SHISA9: variants seen among roughly 807,000 people sequenced by gnomAD.
SHISA9 encodes the protein shisa family member 9.
SHISA9 carries 13 observed loss-of-function variants against 38.0 expected under a neutral mutation model. That is an observed-to-expected ratio of 0.34 (90% CI 0.22 to 0.54). The LOEUF (loss-of-function observed/expected upper bound fraction) is 0.54, where lower values mean the gene tolerates loss of function less well. SHISA9 is among the 20% of genes least tolerant of loss of function. The pLI, the probability that SHISA9 is intolerant of heterozygous loss-of-function variation, is 0.91. For missense variants in SHISA9, 538 were observed against 575.8 expected, an observed-to-expected ratio of 0.93 and a Z score of 0.67; for synonymous variants, 275 against 242.0, an observed-to-expected ratio of 1.14 and a Z score of -1.27.
At chr16:12,989,604 G>A (rs1306840630) in intron 2 of SHISA9, among the ~76,000 whole-genome samples, 6 of 151,856 alleles carry the variant, frequency 4.0e-5, no homozygotes, top group African/African-American at 1.5e-4. Flanking sequence ...GGCCCAGCCT[G>A]TTTTTTTCTA....
At chr16:13,475,702 A>G in the SHISA9 span, among the ~76,000 whole-genome samples, 1 of 152,180 alleles carries the variant, frequency 6.6e-6, no homozygotes, top group Non-Finnish European at 1.5e-5. Flanking sequence ...TAACATTGCA[A>G]TATATAATGA....
At chr16:13,314,130 T>G in the SHISA9 span, among the ~76,000 whole-genome samples, 1 of 152,246 alleles carries the variant, frequency 6.6e-6, no homozygotes, top group Admixed American at 6.5e-5. Context: ...TTCTTTCTCT[T>G]GCACTTTAGG....
intron 2 of SHISA9, among the ~76,000 whole-genome samples, chr16:13,183,649 GT>G (rs573096031): frequency 2.0e-5 from 3 of 152,152 alleles, no homozygotes; most frequent in Non-Finnish European, 2.9e-5. Context: ...CCACAACTAT[GT>G]TTTCCTTTTG....
chr16:13,506,369 G>A, the SHISA9 span, among the ~76,000 whole-genome samples: 4 of 152,046 alleles, frequency 2.6e-5, no homozygotes, highest in Non-Finnish European at 5.9e-5. Flanking sequence ...TGGGAGGTGA[G>A]GACAACAACA....
intron 2 of SHISA9, among the ~76,000 whole-genome samples, chr16:13,148,822 C>CA (rs199698547): frequency 0.073 from 10,322 of 140,950 alleles, 450 homozygotes; most frequent in East Asian, 0.22. Context: ...CTAGAATCAC[C>CA]AAAAAAAAAA....
the SHISA9 span, among the ~76,000 whole-genome samples, chr16:13,407,178 A>T: frequency 8.2e-4 from 125 of 151,790 alleles, 1 homozygote; most frequent in East Asian, 0.022. Flanking sequence ...AACAATGGAA[A>T]TTTATTTCTC....
At chr16:12,940,511 T>C (rs2071596395) in intron 2 of SHISA9, among the ~76,000 whole-genome samples, 1 of 151,476 alleles carries the variant, frequency 6.6e-6, no homozygotes, top group African/African-American at 2.4e-5. Flanking sequence ...TCAGGACTAG[T>C]TTAGACTGTG....
chr16:12,902,043 C>G lies in SHISA9; in HGVS notation c.-22C>G. The G allele has an allele frequency of 2.1e-6, 3 of 1,447,234 alleles. No individual in the cohort carries two copies. Among genetic ancestry groups the G allele is most frequent in the Non-Finnish European group, 2.7e-6 (3 of 1,107,090 alleles). The allele number at this position is 1,447,234 out of a possible 1,614,324, so 89.6% of individuals were successfully genotyped here. On this transcript the variant is annotated 5_prime_UTR_variant, in exon 1 of 5. Transcript: ENST00000558583. ...GAGGCTCCAGCGGCGGCCGAGCGGC[C>G]GAGCCCGGGCTGGGAGACACCATGC...
intron 2 of SHISA9, among the ~76,000 whole-genome samples, chr16:13,193,707 G>C (rs944747134): frequency 6.6e-6 from 1 of 152,156 alleles, no homozygotes; most frequent in Non-Finnish European, 1.5e-5. Context: ...CATCTGCTTA[G>C]GAGAGAAAGG....
At chr16:12,992,388 C>T (rs1458882389) in intron 2 of SHISA9, among the ~76,000 whole-genome samples, 2 of 146,630 alleles carry the variant, frequency 1.4e-5, no homozygotes, top group East Asian at 2.0e-4. Flanking sequence ...AAAAGTAAAC[C>T]GGGTGTGGTG....
intron 4 of SHISA9, among the ~76,000 whole-genome samples, chr16:13,223,138 C>A (rs991437344): frequency 1.3e-5 from 2 of 152,124 alleles, no homozygotes; most frequent in Non-Finnish European, 2.9e-5. Flanking sequence ...TCACAAAAGT[C>A]AGACATGGCT....
At chr16:13,209,801 C>G (rs541844659) in intron 3 of SHISA9, among the ~76,000 whole-genome samples, 1 of 152,320 alleles carries the variant, frequency 6.6e-6, no homozygotes, top group South Asian at 2.1e-4. Flanking sequence ...AGACAGACGT[C>G]TTTATGAAAA....
chr16:12,908,884 A>G (rs2071142277), intron 1 of SHISA9: 3 of 1,064,668 alleles, frequency 2.8e-6, no homozygotes, highest in Admixed American at 5.0e-5. Flanking sequence ...CCACCTTCAA[A>G]CAGAATTGGA....
intron 2 of SHISA9, among the ~76,000 whole-genome samples, chr16:12,983,716 C>A (rs1327000015): frequency 6.6e-6 from 1 of 152,142 alleles, no homozygotes; most frequent in Non-Finnish European, 1.5e-5. Flanking sequence ...TCTCGATCTC[C>A]TGACCTTGTG....
At chr16:13,466,710 A>C in the SHISA9 span, among the ~76,000 whole-genome samples, 1 of 152,244 alleles carries the variant, frequency 6.6e-6, no homozygotes, top group Non-Finnish European at 1.5e-5. Flanking sequence ...ACATATGTTA[A>C]GCAAATATCT....
chr16:13,062,134 C>T (rs979663357), intron 2 of SHISA9, among the ~76,000 whole-genome samples: 2 of 151,838 alleles, frequency 1.3e-5, no homozygotes, highest in Non-Finnish European at 2.9e-5. Flanking sequence ...CTCAGACAAA[C>T]AACGGGTGGC....
At chr16:13,140,137 TTCCCTC>T (rs2050388282) in intron 2 of SHISA9, among the ~76,000 whole-genome samples, 1 of 14,968 alleles carries the variant, frequency 6.7e-5, no homozygotes, top group African/African-American at 2.2e-4. Context: ...TTCCCTTCCC[TTCCCTC>T]CCCTCCCCTC....
At chr16:13,387,565 C>T in the SHISA9 span, among the ~76,000 whole-genome samples, 2 of 151,920 alleles carry the variant, frequency 1.3e-5, no homozygotes, top group East Asian at 3.9e-4. Flanking sequence ...TCTCAGCTCA[C>T]TGCAACCCTC....
rs59469891 is a variant in SHISA9 at position 13,213,648 on chromosome 16, C to T, written c.895+348C>T. The stretch of plus-strand genomic sequence containing the variant: ...AAAACACAAGGTTAATTAATGGGGG[C>T]GGGGCGGGGGAAGAACACAGCTTCT... On this transcript the variant is annotated intron_variant, in intron 4 of 4. Transcript: ENST00000558583. Among the ~76,000 whole-genome samples, 473 of 151,168 alleles carry T rather than the reference C, an allele frequency of 3.1e-3. 8 individuals are homozygous for T. In the East Asian group the frequency reaches 0.042, roughly 13 times the overall value.
Sources: gnomAD v4.1 joint callset for allele counts (sites outside exome capture counted in the v4.1 genomes callset) on GRCh38, gnomAD v4.1.1 for gene constraint, MANE v1.5 for transcripts, NCBI Gene and HGNC (gene_info 2026-07-23, HGNC 2026-07-21) for gene names.